Variants in PYY observed in about 807,000 individuals in gnomAD.
The protein encoded by PYY is peptide YY.
PYY carries 12 observed loss-of-function variants against 10.3 expected under a neutral mutation model. That is an observed-to-expected ratio of 1.17 (90% CI 0.75 to 1.89). PYY has a LOEUF of 1.89. Among genes scored for constraint, PYY ranks in the 40% most tolerant of loss-of-function variants. The pLI is 0.00. For synonymous variants in PYY, 66 were observed against 62.0 expected, an observed-to-expected ratio of 1.06 and a Z score of -0.30; for missense variants, 141 against 134.0, an observed-to-expected ratio of 1.05 and a Z score of -0.26.
At chr17:43,967,512 G>A (rs1054322171) in intron 1 of PYY, among the ~76,000 whole-genome samples, 1 of 152,150 alleles carries the variant, frequency 6.6e-6, no homozygotes, top group Non-Finnish European at 1.5e-5. Context: ...TGACTGGGTT[G>A]GCCACTGACT....
chr17:43,970,244 A>T (rs2048782936), intron 1 of PYY, among the ~76,000 whole-genome samples: 1 of 147,408 alleles, frequency 6.8e-6, no homozygotes, highest in Admixed American at 6.8e-5. Context: ...AAGGTGGCTC[A>T]TGCCTGTAAT....
chr17:43,974,059 G>A (rs1256157761), intron 1 of PYY, among the ~76,000 whole-genome samples: 4 of 152,056 alleles, frequency 2.6e-5, no homozygotes, highest in African/African-American at 9.7e-5. Flanking sequence ...ATAGTCTGGT[G>A]AGTATGAATA....
At chr17:43,978,764 A>G (rs139493871) in intron 1 of PYY, among the ~76,000 whole-genome samples, 141 of 152,338 alleles carry the variant, frequency 9.3e-4, no homozygotes, top group Non-Finnish European at 1.6e-3. Context: ...CACTAAAGGT[A>G]GACAGGAATT....
Position 43,953,157 on chromosome 17 carries a change from A to G in PYY, c.221T>C (p.Leu74Pro), listed in dbSNP as rs748036968. The stretch of plus-strand genomic sequence containing the variant: ...GCCGTCGGGGAAGAACGTTTTGGAA[A>G]GAAGCGTGTCCGGGCCGTCTCTTTT... The part of the protein sequence containing the change: ...YGKRDGPDTL[L>P]SKTFFPDGED... Residue 74 changes from leucine to proline, a missense_variant, in exon 3 of 4, where the codon CTT becomes CCT. By Grantham distance (98) the Leu-to-Pro change is moderately conservative. Coordinates refer to ENST00000692052, the MANE Select transcript of PYY (RefSeq NM_001394028.1). The G allele has an allele frequency of 9.3e-6, 15 of 1,613,776 alleles. No individual in the cohort carries two copies. Among genetic ancestry groups the G allele is most frequent in the African/African-American group, 2.7e-5 (2 of 74,866 alleles).
intron 2 of PYY, among the ~76,000 whole-genome samples, chr17:43,963,604 AAGAAAGAAAGAAAGAAAGAAAG>A (rs1398010370): frequency 2.8e-3 from 253 of 91,186 alleles, no homozygotes; most frequent in South Asian, 0.013. Context: ...GAAAGAAAGA[AAGAAAGAAAGAAAGAAAGAAAG>A]AGAAAGAAAG....
intron 2 of PYY, among the ~76,000 whole-genome samples, chr17:43,962,899 G>A (rs1022981498): frequency 1.3e-5 from 2 of 152,212 alleles, no homozygotes; most frequent in Non-Finnish European, 2.9e-5. Context: ...GCACTGACCC[G>A]CCAGGGCTCC....
At chr17:43,961,125 C>A (rs2048709633) in intron 2 of PYY, among the ~76,000 whole-genome samples, 1 of 151,804 alleles carries the variant, frequency 6.6e-6, no homozygotes, top group African/African-American at 2.4e-5. Context: ...ACTTGGGAGG[C>A]TGAGGTGGGA....
At chr17:43,994,796 G>C (rs1489289692) in intron 1 of PYY, among the ~76,000 whole-genome samples, 1 of 152,234 alleles carries the variant, frequency 6.6e-6, no homozygotes, top group East Asian at 1.9e-4. Context: ...CGGAAGGGTT[G>C]GGGTCTCGGG....
At chr17:43,989,203 T>A (rs1360682476) in intron 1 of PYY, among the ~76,000 whole-genome samples, 1 of 151,954 alleles carries the variant, frequency 6.6e-6, no homozygotes, top group Non-Finnish European at 1.5e-5. Flanking sequence ...TGAAACCCCG[T>A]CTCTGCTAAA....
At chr17:43,968,156 G>A (rs2048766841) in intron 1 of PYY, among the ~76,000 whole-genome samples, 1 of 152,058 alleles carries the variant, frequency 6.6e-6, no homozygotes, top group African/African-American at 2.4e-5. Context: ...AGGCCGAGGT[G>A]GATCACTTGC....
chr17:43,953,546 C>T, intron 1 of PYY, 63 bp from the exon 2 acceptor site: 1 of 1,426,822 alleles, frequency 7.0e-7, no homozygotes, highest in Non-Finnish European at 9.3e-7. Flanking sequence ...CGGGAGGCTG[C>T]GGCTGCCGTC....
intron 2 of PYY, among the ~76,000 whole-genome samples, chr17:43,963,570 A>AAAAGAAAGAAAGAAAGAAAGAAAAG (rs1555617072): frequency 7.3e-4 from 76 of 104,670 alleles, no homozygotes; most frequent in African/African-American, 2.6e-3. Context: ...GGAAGGAAGG[A>AAAAGAAAGAAAGAAAGAAAGAAAAG]AAAGAAAGAA....
At chr17:43,994,562 G>C (rs1293332401) in intron 1 of PYY, among the ~76,000 whole-genome samples, 1 of 152,186 alleles carries the variant, frequency 6.6e-6, no homozygotes, top group East Asian at 1.9e-4. Flanking sequence ...TCCAGTGATT[G>C]AGGCTAGGAC....
upstream of PYY, among the ~76,000 whole-genome samples, chr17:43,956,938 G>A (rs1010262969): frequency 2.0e-5 from 3 of 151,994 alleles, no homozygotes; most frequent in Admixed American, 6.6e-5. Context: ...TGGTGCTCAC[G>A]CCTGTAATCC....
At chr17:43,960,532 C>CAAAAAA (rs1170040925) in intron 2 of PYY, among the ~76,000 whole-genome samples, 13 of 58,984 alleles carry the variant, frequency 2.2e-4, no homozygotes, top group South Asian at 9.4e-4. Context: ...GACTTTGTCT[C>CAAAAAA]AAAAAAAAAA....
chr17:43,956,780 G>A (rs1405759667), upstream of PYY, among the ~76,000 whole-genome samples: 5 of 152,142 alleles, frequency 3.3e-5, no homozygotes, highest in African/African-American at 1.2e-4. Flanking sequence ...CCACCTGCCT[G>A]TACCCACTCC....
At chr17:43,991,126 C>T (rs2048954509) in intron 1 of PYY, among the ~76,000 whole-genome samples, 1 of 151,862 alleles carries the variant, frequency 6.6e-6, no homozygotes, top group African/African-American at 2.4e-5. Context: ...CAAAATGTCA[C>T]CTGCAATAAG....
At chr17:44,001,570 A>C (rs1006011004) in intron 1 of PYY, among the ~76,000 whole-genome samples, 7 of 152,146 alleles carry the variant, frequency 4.6e-5, no homozygotes, top group Non-Finnish European at 7.4e-5. Flanking sequence ...CAGTGGCCCC[A>C]GGGTCAATGG....
At position 43,976,379 on chromosome 17, in the gene PYY, ATACATG is replaced by A. The variant is rs1233073424; in HGVS notation, c.-462-9853_-462-9848del. On this transcript the variant is annotated intron_variant, in intron 1 of 6. Transcript: ENST00000360085. ...CATGTATACATATACGTATATACAC[ATACATG>A]TATACATATACGTATATACATATTC... Among the ~76,000 whole-genome samples, 46 of 10,286 alleles carry A rather than the reference ATACATG, an allele frequency of 4.5e-3. No individual in the cohort carries two copies. In the East Asian group the frequency reaches 0.079, roughly 18 times the overall value. The allele number at this position is 10,286 out of a possible 152,430, so 6.7% of individuals were successfully genotyped here.
Sources: allele counts gnomAD v4.1 joint callset (sites outside exome capture counted in the v4.1 genomes callset), GRCh38; gene constraint gnomAD v4.1.1; transcripts MANE v1.5; gene names NCBI Gene and HGNC (gene_info 2026-07-23, HGNC 2026-07-21).